DAAM1: variants seen among roughly 807,000 people sequenced by gnomAD.
DAAM1 encodes the protein disheveled-associated activator of morphogenesis 1.
Under a neutral mutation model 130.0 loss-of-function variants are expected in DAAM1, and 52 were observed. The ratio of observed to expected loss-of-function variants is 0.40; its 90% CI spans 0.32 to 0.50. DAAM1 has a LOEUF of 0.50. DAAM1 is among the 20% of genes least tolerant of loss of function. The pLI, the probability that DAAM1 is intolerant of heterozygous loss-of-function variation, is 0.61. For missense variants in DAAM1, 1,134 were observed against 1,303.8 expected, an observed-to-expected ratio of 0.87 and a Z score of 2.01; for synonymous variants, 452 against 444.5, an observed-to-expected ratio of 1.02 and a Z score of -0.21.
chr14:59,316,234 T>C (rs1031739609), intron 4 of DAAM1, among the ~76,000 whole-genome samples: 4 of 152,166 alleles, frequency 2.6e-5, no homozygotes, highest in African/African-American at 9.7e-5. Context: ...TAGAATACTT[T>C]CTTCTACCTC....
chr14:59,297,706 C>G (rs914447664), intron 3 of DAAM1, among the ~76,000 whole-genome samples: 2 of 152,156 alleles, frequency 1.3e-5, no homozygotes, highest in Non-Finnish European at 2.9e-5. Context: ...AAGAGAGAGA[C>G]CGCACTCACA....
At chr14:59,263,762 T>C (rs1882297398) in intron 2 of DAAM1, 102 bp downstream of exon 2, 5 of 1,427,104 alleles carry the variant, frequency 3.5e-6, no homozygotes, top group Non-Finnish European at 4.9e-6. Flanking sequence ...CTTTTCCTTT[T>C]CAGTGAAATG....
intron 1 of DAAM1, among the ~76,000 whole-genome samples, chr14:59,196,212 TTAGA>T (rs143460138): frequency 1.4e-3 from 209 of 152,314 alleles, no homozygotes; most frequent in Admixed American, 2.7e-3. Context: ...GGACTTACTC[TTAGA>T]TAAAGTTCTG....
intron 1 of DAAM1, among the ~76,000 whole-genome samples, chr14:59,215,485 C>T (rs1888548204): frequency 6.6e-6 from 1 of 152,228 alleles, no homozygotes; most frequent in East Asian, 1.9e-4. Flanking sequence ...GGTCAGCTGG[C>T]TTGGGCTGTT....
At chr14:59,244,843 G>A (rs527426843) in intron 1 of DAAM1, among the ~76,000 whole-genome samples, 13 of 152,306 alleles carry the variant, frequency 8.5e-5, no homozygotes, top group Admixed American at 4.6e-4. Context: ...TGGCTTTTAC[G>A]TGACACTACC....
rs558814209 is a variant in DAAM1, at chr14:59,371,128, T to A, written c.*2269T>A. On this transcript the variant is annotated 3_prime_UTR_variant, in exon 25 of 25. Transcript: ENST00000360909. ...AAAAAACAAAAAAAAAACCTACTTT[T>A]TAGATTGGTGCTGGTGTAAGTAGCC... 5.3e-5 allele frequency: 8 copies of A among 152,156 alleles called. No individual in the cohort carries two copies. The highest frequency in any genetic ancestry group is 1.0e-4 in the Non-Finnish European group (7 of 67,980). 9.4% of individuals were successfully genotyped at this position (152,156 alleles called of 1,614,324 possible). A position where few individuals can be genotyped will look rare whatever the true frequency, so the allele number is the denominator to read the frequency against.
intron 16 of DAAM1, among the ~76,000 whole-genome samples, chr14:59,346,137 TTGGG>T (rs1566716160): frequency 1.7e-5 from 1 of 57,656 alleles, no homozygotes; most frequent in Non-Finnish European, 3.8e-5. Context: ...TCCCTTTTTT[TTGGG>T]GGGGGGGGGG....
chr14:59,347,106 C>T (rs1334446925), intron 16 of DAAM1, among the ~76,000 whole-genome samples: 1 of 152,184 alleles, frequency 6.6e-6, no homozygotes, highest in Non-Finnish European at 1.5e-5. Context: ...TTAACAATAA[C>T]ATGTAGTTTC....
At chr14:59,219,318 T>C (rs1396047691) in intron 1 of DAAM1, among the ~76,000 whole-genome samples, 1 of 152,184 alleles carries the variant, frequency 6.6e-6, no homozygotes, top group Non-Finnish European at 1.5e-5. Flanking sequence ...TTTTTTTAAA[T>C]AGTCTTTTCT....
At chr14:59,340,287 A>T in intron 16 of DAAM1, 107 bp downstream of exon 16, 1 of 976,730 alleles carries the variant, frequency 1.0e-6, no homozygotes, top group Non-Finnish European at 1.5e-6. Flanking sequence ...GCTGAGGTAC[A>T]GTTCTTTGGA....
At chr14:59,231,817 A>G (rs1345381340) in intron 1 of DAAM1, among the ~76,000 whole-genome samples, 1 of 152,228 alleles carries the variant, frequency 6.6e-6, no homozygotes, top group Non-Finnish European at 1.5e-5. Flanking sequence ...CTACCAAAGC[A>G]TATAAGTGGA....
chr14:59,224,898 G>A (rs912412262), intron 1 of DAAM1, among the ~76,000 whole-genome samples: 8 of 151,998 alleles, frequency 5.3e-5, no homozygotes, highest in Admixed American at 2.0e-4. Context: ...GGAACGGTGC[G>A]AAGGCACCAT....
chr14:59,206,839 T>C (rs1446779782), intron 1 of DAAM1, among the ~76,000 whole-genome samples: 1 of 152,226 alleles, frequency 6.6e-6, no homozygotes, highest in Non-Finnish European at 1.5e-5. Flanking sequence ...AGTAGGGTCT[T>C]GACTGGGTTT....
chr14:59,320,887 G>A (rs958454340), intron 5 of DAAM1, among the ~76,000 whole-genome samples: 1 of 152,062 alleles, frequency 6.6e-6, no homozygotes, highest in African/African-American at 2.4e-5. Flanking sequence ...AAGCCACTTT[G>A]GAAAAGGGTT....
At chr14:59,331,954 T>C (rs747852906) in intron 15 of DAAM1, 34 bp downstream of exon 15, 2 of 1,569,050 alleles carry the variant, frequency 1.3e-6, no homozygotes, top group African/African-American at 1.4e-5. Context: ...ACCAAAAAGG[T>C]AGAAAAATCA....
rs1885397621 is a variant in DAAM1 at position 59,330,772 on chromosome 14, A to C, written c.1560+84A>C. ...CTCACCCTTAAGTAGAGAACTTCATACTGGGGGAATAAAATCTGAAATGGC... is the reference window on the plus strand; with the variant it reads ...CTCACCCTTAAGTAGAGAACTTCATCCTGGGGGAATAAAATCTGAAATGGC... On this transcript the variant is annotated intron_variant, in intron 13 of 24. Coordinates refer to ENST00000360909, the MANE Select transcript of DAAM1 (RefSeq NM_001270520.2). 8 of 1,327,342 alleles carry C rather than the reference A, an allele frequency of 6.0e-6. No individual in the cohort carries two copies. The Admixed American group carries it at 2.1e-4, about 36-fold the overall frequency. 82.2% of individuals were successfully genotyped at this position (1,327,342 alleles called of 1,614,324 possible).
chr14:59,230,691 AC>A (rs1190689851), intron 1 of DAAM1, among the ~76,000 whole-genome samples: 2 of 150,236 alleles, frequency 1.3e-5, no homozygotes, highest in Admixed American at 6.7e-5. Context: ...TAACAGGGTG[AC>A]TGTAGTCAAT....
At chr14:59,296,380 AGT>A (rs1194225016) in intron 3 of DAAM1, among the ~76,000 whole-genome samples, 1 of 152,190 alleles carries the variant, frequency 6.6e-6, no homozygotes, top group Non-Finnish European at 1.5e-5. Flanking sequence ...AAGGCAAGTT[AGT>A]GTGTGATTTG....
At chr14:59,306,269 A>G (rs557663765) in intron 3 of DAAM1, among the ~76,000 whole-genome samples, 52 of 152,344 alleles carry the variant, frequency 3.4e-4, no homozygotes, top group African/African-American at 1.2e-3. Flanking sequence ...GGGATCACTC[A>G]CAAGGAGAGC....
Sources: allele counts gnomAD v4.1 joint callset (sites outside exome capture counted in the v4.1 genomes callset), GRCh38; gene constraint gnomAD v4.1.1; transcripts MANE v1.5; gene names NCBI Gene and HGNC (gene_info 2026-07-23, HGNC 2026-07-21).